RAI2: variants seen among roughly 807,000 people sequenced by gnomAD.
RAI2 encodes retinoic acid induced 2.
A neutral mutation model predicts 15.3 loss-of-function variants in RAI2; 5 were observed. That is an observed-to-expected ratio of 0.33 (90% confidence interval 0.17 to 0.69). RAI2 has a LOEUF of 0.69. Ranked by LOEUF, RAI2 falls within the 30% of genes least tolerant of loss-of-function variation. RAI2 has a pLI of 0.69. For synonymous variants in RAI2, 191 were observed against 184.0 expected (o/e 1.04, Z -0.31); for missense variants, 424 against 424.7 (o/e 1.00, Z 0.01).
chrX:17,848,524 C>T (rs963488008), intron 1 of RAI2, among the ~76,000 whole-genome samples: 5 of 110,209 alleles, frequency 4.5e-5, no homozygotes, highest in African/African-American at 1.7e-4. Context: ...ATTCTTAGCA[C>T]TGCTGAAATG....
Position 17,829,871 on chromosome X carries a change from A to C in RAI2, c.-24-27837T>G, listed in dbSNP as rs188178452. Among the ~76,000 whole-genome samples, 7 of 112,715 alleles carry C rather than the reference A, an allele frequency of 6.2e-5. No homozygotes were observed. The East Asian group carries it at 2.0e-3, about 31-fold the overall frequency. On this transcript the variant is annotated intron_variant, in intron 1 of 1. Coordinates refer to ENST00000451717, the MANE Select transcript of RAI2 (RefSeq NM_021785.6). Reference sequence around the variant, plus strand: ...GTGAATGTATTTCCAAAATTGTTTCAGAATTTCTTTGTCTGGGTAAGCCAG... The same window carrying C: ...GTGAATGTATTTCCAAAATTGTTTCCGAATTTCTTTGTCTGGGTAAGCCAG...
At chrX:17,823,088 C>T (rs1220432855) in intron 1 of RAI2, among the ~76,000 whole-genome samples, 1 of 112,379 alleles carries the variant, frequency 8.9e-6, no homozygotes, top group East Asian at 2.8e-4. Context: ...ATGTAGATGC[C>T]CAACTCAGCC....
intron 1 of RAI2, among the ~76,000 whole-genome samples, chrX:17,854,761 T>C (rs1196015311): frequency 8.9e-6 from 1 of 111,956 alleles, no homozygotes; most frequent in African/African-American, 3.2e-5. Context: ...TGGCTGTTAA[T>C]GAATTATTTT....
At chrX:17,833,147 G>A (rs1569351942) in intron 1 of RAI2, among the ~76,000 whole-genome samples, 1 of 112,089 alleles carries the variant, frequency 8.9e-6, no homozygotes, top group Non-Finnish European at 1.9e-5. Context: ...CTGATACAAT[G>A]CAACAACATG....
intron 1 of RAI2, among the ~76,000 whole-genome samples, chrX:17,860,889 C>T (rs1220132970): frequency 5.7e-5 from 6 of 105,014 alleles, no homozygotes; most frequent in Non-Finnish European, 9.9e-5. Context: ...ACACGGGCGG[C>T]GGCCTCGGCC....
chrX:17,805,040 C>A (rs1163000304), intron 1 of RAI2, among the ~76,000 whole-genome samples: 1 of 112,885 alleles, frequency 8.9e-6, no homozygotes, highest in Non-Finnish European at 1.9e-5. Context: ...AACAACCCAG[C>A]CAGAGGGGTC....
chrX:17,813,515 A>G (rs1456424797), intron 1 of RAI2, among the ~76,000 whole-genome samples: 1 of 111,455 alleles, frequency 9.0e-6, no homozygotes, highest in Non-Finnish European at 1.9e-5. Context: ...CTCCATAGAG[A>G]TAAGAACCGA....
chrX:17,841,324 G>A (rs2067394847), intron 1 of RAI2, among the ~76,000 whole-genome samples: 1 of 111,965 alleles, frequency 8.9e-6, no homozygotes, highest in Non-Finnish European at 1.9e-5. Context: ...ACTAAAAGCT[G>A]CAGACAAGAA....
intron 1 of RAI2, among the ~76,000 whole-genome samples, chrX:17,843,807 A>G (rs1197843778): frequency 1.8e-5 from 2 of 112,757 alleles, no homozygotes; most frequent in Non-Finnish European, 3.7e-5. Context: ...ATTTTTATTA[A>G]CATGGTTTGT....
intron 1 of RAI2, among the ~76,000 whole-genome samples, chrX:17,853,030 C>T (rs1449987218): frequency 2.0e-5 from 2 of 102,375 alleles, no homozygotes; most frequent in Admixed American, 1.1e-4. Flanking sequence ...AAGATGCTAC[C>T]GGAGAAATGA....
At chrX:17,834,807 G>A (rs763863496) in intron 1 of RAI2, among the ~76,000 whole-genome samples, 2 of 110,653 alleles carry the variant, frequency 1.8e-5, no homozygotes, top group East Asian at 2.9e-4. Flanking sequence ...AGGGGAAGGC[G>A]GTGGGTTGAT....
At chrX:17,814,246 C>T (rs766808223) in intron 1 of RAI2, among the ~76,000 whole-genome samples, 8 of 105,312 alleles carry the variant, frequency 7.6e-5, no homozygotes, top group African/African-American at 2.8e-4. Flanking sequence ...TTTATTCACC[C>T]GCCCCCATCC....
At chrX:17,829,723 A>G (rs1359480871) in intron 1 of RAI2, among the ~76,000 whole-genome samples, 1 of 112,840 alleles carries the variant, frequency 8.9e-6, no homozygotes, top group African/African-American at 3.2e-5. Flanking sequence ...ACTACTACCA[A>G]TTAGGCAAGT....
intron 1 of RAI2, among the ~76,000 whole-genome samples, chrX:17,814,261 C>T (rs752091377): frequency 1.8e-4 from 19 of 104,698 alleles, no homozygotes; most frequent in African/African-American, 6.6e-4. Flanking sequence ...CCATCCATCA[C>T]TGGCCAAGGG....
chrX:17,847,920 G>A (rs1054520280), intron 1 of RAI2, among the ~76,000 whole-genome samples: 4 of 111,774 alleles, frequency 3.6e-5, no homozygotes, highest in East Asian at 2.8e-4. Context: ...TTACTGAGCC[G>A]CTCATGGGTA....
At chrX:17,853,349 A>AG (rs1360522137) in intron 1 of RAI2, among the ~76,000 whole-genome samples, 53 of 112,329 alleles carry the variant, frequency 4.7e-4, no homozygotes, top group African/African-American at 1.7e-3. Flanking sequence ...TAAAAGTCAG[A>AG]GGGGGAAAAT....
chrX:17,820,295 T>C lies in RAI2; in HGVS notation c.-24-18261A>G, dbSNP rs1158322866. 2.7e-5 allele frequency among the ~76,000 whole-genome samples: 3 copies of C among 112,470 alleles called. No homozygotes were observed. In the East Asian group the frequency reaches 8.4e-4, roughly 32 times the overall value. On this transcript the variant is annotated intron_variant, in intron 1 of 1. Transcript: ENST00000451717. ...ACTTTCCAAGAAATGCCAATGTTTT[T>C]GTATTTGGGAACGGAGAGGGAGTAT...
chrX:17,830,413 T>C (rs1471507541), intron 1 of RAI2, among the ~76,000 whole-genome samples: 1 of 112,105 alleles, frequency 8.9e-6, no homozygotes, highest in African/African-American at 3.2e-5. Flanking sequence ...GCTACTGGAC[T>C]TTGCAGGGAA....
intron 1 of RAI2, among the ~76,000 whole-genome samples, chrX:17,851,772 A>T (rs921888494): frequency 1.8e-5 from 2 of 112,058 alleles, no homozygotes; most frequent in African/African-American, 3.2e-5. Context: ...CCTCTGCCCA[A>T]CCTGCTATAA....
Sources: allele counts gnomAD v4.1 joint callset (sites outside exome capture counted in the v4.1 genomes callset), GRCh38; gene constraint gnomAD v4.1.1; transcripts MANE v1.5; gene names NCBI Gene and HGNC (gene_info 2026-07-23, HGNC 2026-07-21).